YTHDF3: variants seen among roughly 807,000 people sequenced by gnomAD.
YTHDF3 encodes YTH N6-methyladenosine RNA binding protein F3, also known as YTH domain-containing family protein 3.
Under a neutral mutation model 52.5 loss-of-function variants are expected in YTHDF3, and 9 were observed. That is an observed-to-expected ratio of 0.17 (90% CI 0.10 to 0.30). The LOEUF is 0.30. Among genes scored for constraint, YTHDF3 ranks in the 10% least tolerant of loss-of-function variants. The pLI is 1.00. For synonymous variants in YTHDF3, 274 were observed against 243.3 expected (o/e 1.13, Z -1.18); for missense variants, 534 against 715.0 (o/e 0.75, Z 2.89).
At chr8:63,188,699 ATATTTT>A (rs1259256374) in intron 4 of YTHDF3, 20 of 56,712 alleles carry the variant, frequency 3.5e-4, no homozygotes, top group Admixed American at 2.6e-3. Flanking sequence ...ATATATATAT[ATATTTT>A]TTTTTTTTTT....
chr8:63,169,175 G>C (rs982728895), intron 1 of YTHDF3: 5 of 1,397,300 alleles, frequency 3.6e-6, no homozygotes, highest in African/African-American at 2.9e-5. Flanking sequence ...GGCGGAGACC[G>C]GGCGAGCTCT....
intron 4 of YTHDF3, among the ~76,000 whole-genome samples, chr8:63,199,353 C>T (rs1401486495): frequency 6.6e-6 from 1 of 152,130 alleles, no homozygotes; most frequent in Non-Finnish European, 1.5e-5. Context: ...GTTCTGCAGT[C>T]GCTTCTCCCT....
chr8:63,186,575 G>C lies in YTHDF3; in HGVS notation c.564G>C (p.Glu188Asp), dbSNP rs1421266578. The change falls in exon 4 of 5, where the codon GAG becomes GAC. Residue 188 changes from glutamate to aspartate, a missense_variant. Coordinates refer to ENST00000539294, the MANE Select transcript of YTHDF3 (RefSeq NM_152758.6). ...LSKVPGISSI[E>D]QGMTGLKIGG... The stretch of plus-strand genomic sequence containing the variant: ...AGGTGCCTGGCATTAGCAGTATTGA[G>C]CAAGGCATGACTGGACTGAAAATTG... 6.2e-7 allele frequency: 1 copy of C among 1,614,002 alleles called. No homozygotes were observed. The highest frequency in any genetic ancestry group is 8.5e-7 in the Non-Finnish European group (1 of 1,179,888).
At position 63,168,856 on chromosome 8, in the gene YTHDF3, G is replaced by C. The variant is rs1209810783; in HGVS notation, c.-22G>C. ...AGGCCCAGGCAGCGGCGGCGGCGGCGGCTCTCGGGTTGCGGTGAAGAATGT... is the reference window on the plus strand; with the variant it reads ...AGGCCCAGGCAGCGGCGGCGGCGGCCGCTCTCGGGTTGCGGTGAAGAATGT... On this transcript the variant is annotated 5_prime_UTR_variant, in exon 1 of 5. Coordinates refer to ENST00000539294, the MANE Select transcript of YTHDF3 (RefSeq NM_152758.6). 1.0e-5 allele frequency: 16 copies of C among 1,554,064 alleles called. No individual in the cohort carries two copies. The highest frequency in any genetic ancestry group is 1.3e-5 in the Non-Finnish European group (15 of 1,149,108).
chr8:63,169,258 G>C, intron 1 of YTHDF3, 129 bp from the exon 2 acceptor site: 2 of 1,335,196 alleles, frequency 1.5e-6, no homozygotes, highest in Non-Finnish European at 2.1e-6. Context: ...GGCTGTGGAG[G>C]ATATGGTGGG....
At chr8:63,182,481 A>G (rs1307818976) in intron 3 of YTHDF3, among the ~76,000 whole-genome samples, 1 of 152,152 alleles carries the variant, frequency 6.6e-6, no homozygotes, top group Non-Finnish European at 1.5e-5. Flanking sequence ...TGACCCCTGA[A>G]TTATACTATG....
At chr8:63,204,014 C>A (rs995530756) in intron 4 of YTHDF3, among the ~76,000 whole-genome samples, 4 of 152,164 alleles carry the variant, frequency 2.6e-5, no homozygotes, top group Non-Finnish European at 4.4e-5. Flanking sequence ...GTACTCTGTT[C>A]CTAGAGGCAA....
intron 4 of YTHDF3, 136 bp downstream of exon 4, chr8:63,187,881 G>A: frequency 1.0e-6 from 1 of 964,890 alleles, no homozygotes; most frequent in African/African-American, 1.7e-5. Context: ...ACCCTTGAAG[G>A]TATCTATGTG....
In YTHDF3 at chr8:63,186,553, T is replaced by G. The variant is rs769696584; in HGVS notation, c.542T>G (p.Val181Gly). Residue 181 changes from valine to glycine, a missense_variant, in exon 4 of 5, where the codon GTG (valine) becomes GGG (glycine). Coordinates refer to ENST00000539294, the MANE Select transcript of YTHDF3 (RefSeq NM_152758.6). ...AGFGNDTLSK[V>G]PGISSIEQGM... ...TTTGGCAATGATACTTTGAGTAAGG[T>G]GCCTGGCATTAGCAGTATTGAGCAA... is the stretch of plus-strand genomic sequence containing the variant. The G allele has an allele frequency of 1.2e-6, 2 of 1,614,004 alleles. No homozygotes were observed. Among genetic ancestry groups the G allele is most frequent in the Non-Finnish European group, 1.7e-6 (2 of 1,179,898 alleles).
At chr8:63,169,827 T>G (rs1807169183) in intron 2 of YTHDF3, among the ~76,000 whole-genome samples, 1 of 152,246 alleles carries the variant, frequency 6.6e-6, no homozygotes, top group Non-Finnish European at 1.5e-5. Flanking sequence ...TTCCATCACA[T>G]TAATGAAAAT....
chr8:63,196,395 C>T (rs1024929865), intron 4 of YTHDF3, among the ~76,000 whole-genome samples: 1 of 151,798 alleles, frequency 6.6e-6, no homozygotes, highest in African/African-American at 2.4e-5. Flanking sequence ...AACGCTGTCT[C>T]TACTAAAAAT....
rs766374326 is a variant in YTHDF3 at position 63,187,089 on chromosome 8, A to C, written c.1078A>C (p.Arg360=). 2 of 1,613,710 alleles carry C rather than the reference A, an allele frequency of 1.2e-6. No homozygotes were observed. The highest frequency in any genetic ancestry group is 1.7e-6 in the Non-Finnish European group (2 of 1,179,814). The change falls in exon 4 of 5, where the codon AGG becomes CGG. Residue 360 remains arginine, a synonymous_variant. Coordinates refer to ENST00000539294, the MANE Select transcript of YTHDF3 (RefSeq NM_152758.6). ...LQNRWVAPRN[R]GAGFNQNNGA... is the part of the protein sequence containing the mutation. ...GAATCGCTGGGTAGCTCCTCGTAAC[A>C]GGGGAGCAGGCTTCAACCAGAACAA...
At chr8:63,175,010 C>T (rs1807590159) in intron 2 of YTHDF3, among the ~76,000 whole-genome samples, 1 of 152,158 alleles carries the variant, frequency 6.6e-6, no homozygotes, top group South Asian at 2.1e-4. Flanking sequence ...CATTAGGGAA[C>T]TCTTTCCAAC....
chr8:63,196,155 G>T (rs772041076), intron 4 of YTHDF3, among the ~76,000 whole-genome samples: 1 of 152,024 alleles, frequency 6.6e-6, no homozygotes, highest in Non-Finnish European at 1.5e-5. Context: ...AGCTACTTGG[G>T]AGGCTGAGTT....
rs1448335942 is a variant in YTHDF3 at position 63,168,870 on chromosome 8, G to A, written c.-8G>A. ...GCGGCGGCGGCGGCTCTCGGGTTGC[G>A]GTGAAGAATGTCAGCCACTAGCGTG... On this transcript the variant is annotated 5_prime_UTR_variant, in exon 1 of 5. Coordinates refer to ENST00000539294, the MANE Select transcript of YTHDF3 (RefSeq NM_152758.6). 4 of 1,554,692 alleles carry A rather than the reference G, an allele frequency of 2.6e-6. No individual in the cohort carries two copies. The Admixed American group carries it at 5.8e-5, about 23-fold the overall frequency.
chr8:63,207,425 T>C (rs1450725177), intron 4 of YTHDF3, among the ~76,000 whole-genome samples: 5 of 152,162 alleles, frequency 3.3e-5, no homozygotes, highest in African/African-American at 1.2e-4. Flanking sequence ...AGTTTAAACG[T>C]GTAAATGATA....
chr8:63,202,584 C>T (rs925545346), intron 4 of YTHDF3, among the ~76,000 whole-genome samples: 5 of 152,008 alleles, frequency 3.3e-5, no homozygotes, highest in Non-Finnish European at 1.5e-5. Flanking sequence ...GTCCCAGCCT[C>T]CCAAGTAGCT....
At chr8:63,206,593 G>T (rs1323336560) in intron 4 of YTHDF3, among the ~76,000 whole-genome samples, 1 of 152,088 alleles carries the variant, frequency 6.6e-6, no homozygotes, top group African/African-American at 2.4e-5. Flanking sequence ...AATTAAAGTT[G>T]TCTTTAATTA....
intron 2 of YTHDF3, 34 bp downstream of exon 2, chr8:63,169,445 A>G (rs370787416): frequency 1.4e-4 from 220 of 1,566,916 alleles, no homozygotes; most frequent in Middle Eastern, 6.6e-4. Flanking sequence ...TTATTGCTCA[A>G]TGTTGCCTTA....
Sources: gnomAD v4.1 joint callset for allele counts (sites outside exome capture counted in the v4.1 genomes callset) on GRCh38, gnomAD v4.1.1 for gene constraint, MANE v1.5 for transcripts, NCBI Gene and HGNC (gene_info 2026-07-23, HGNC 2026-07-21) for gene names.